Variants in PARD6B observed in about 807,000 individuals in gnomAD.
PARD6B encodes the protein partitioning defective 6 homolog beta.
A neutral mutation model predicts 10.5 loss-of-function variants in PARD6B; 4 were observed. The ratio of observed to expected loss-of-function variants is 0.38; its 90% confidence interval spans 0.19 to 0.87. The LOEUF is 0.87. Among genes scored for constraint, PARD6B ranks in the 40% least tolerant of loss-of-function variants. The pLI is 0.41. For synonymous variants in PARD6B, 169 were observed against 170.4 expected, an observed-to-expected ratio of 0.99 and a Z score of 0.07; for missense variants, 396 against 470.6, an observed-to-expected ratio of 0.84 and a Z score of 1.47.
chr20:50,741,843 G>T (rs2087532554), intron 2 of PARD6B, among the ~76,000 whole-genome samples: 1 of 152,082 alleles, frequency 6.6e-6, no homozygotes, highest in African/African-American at 2.4e-5. Context: ...ACCGCGCCCG[G>T]CCGCACTCTG....
At chr20:50,746,289 G>A (rs1169989104) in intron 2 of PARD6B, among the ~76,000 whole-genome samples, 2 of 152,182 alleles carry the variant, frequency 1.3e-5, no homozygotes, top group Admixed American at 6.5e-5. Flanking sequence ...GCCACTATTT[G>A]TGTGTAAGAA....
intron 2 of PARD6B, among the ~76,000 whole-genome samples, chr20:50,740,961 CTTTT>C (rs869151515): frequency 7.4e-6 from 1 of 135,692 alleles, no homozygotes. Context: ...GAGCTTGTTT[CTTTT>C]TTTTTTTTTT....
In PARD6B at chr20:50,752,984, T is replaced by A. The variant is rs183937302; in HGVS notation, c.*2496T>A. ...TTGACTCTTGAATGGCAAAATAATGTTAGTATGTAGAAGGTTAACTTTCAT... is the reference window on the plus strand; with the variant it reads ...TTGACTCTTGAATGGCAAAATAATGATAGTATGTAGAAGGTTAACTTTCAT... On this transcript the variant is annotated 3_prime_UTR_variant, in exon 3 of 3. Transcript: ENST00000371610. 1.0e-5 allele frequency: 10 copies of A among 984,138 alleles called. No individual in the cohort carries two copies. Among genetic ancestry groups the A allele is most frequent in the Non-Finnish European group, 1.1e-5 (9 of 828,394 alleles). 61.0% of individuals were successfully genotyped at this position (984,138 alleles called of 1,614,324 possible).
chr20:50,737,163 C>T (rs1185386784), intron 1 of PARD6B, among the ~76,000 whole-genome samples: 2 of 152,178 alleles, frequency 1.3e-5, no homozygotes. Flanking sequence ...CTTAATACCT[C>T]CCTGAAGTAA....
intron 1 of PARD6B, among the ~76,000 whole-genome samples, chr20:50,734,686 A>T (rs1197058526): frequency 6.7e-6 from 1 of 150,306 alleles, no homozygotes; most frequent in Non-Finnish European, 1.5e-5. Context: ...ACTATTTTCA[A>T]TTTTTTTTTA....
intron 2 of PARD6B, among the ~76,000 whole-genome samples, chr20:50,742,938 A>G (rs1463415692): frequency 6.6e-6 from 1 of 152,204 alleles, no homozygotes; most frequent in Non-Finnish European, 1.5e-5. Context: ...TGGTATCTTA[A>G]AAGTTATTTT....
chr20:50,739,313 G>T (rs765113041), intron 2 of PARD6B, among the ~76,000 whole-genome samples: 1 of 152,036 alleles, frequency 6.6e-6, no homozygotes, highest in African/African-American at 2.4e-5. Context: ...TGGGCATGGT[G>T]GCACATGTCT....
intron 2 of PARD6B, among the ~76,000 whole-genome samples, chr20:50,748,258 C>T (rs1479865852): frequency 6.6e-6 from 1 of 152,202 alleles, no homozygotes; most frequent in Non-Finnish European, 1.5e-5. Flanking sequence ...GCAGGAGAAT[C>T]GCTTGAACCT....
rs763203459 is a variant in PARD6B, at chr20:50,750,092, C to T, written c.723C>T (p.Asn241=). The T allele has an allele frequency of 3.1e-6, 5 of 1,614,088 alleles. No individual in the cohort carries two copies. Among genetic ancestry groups the T allele is most frequent in the Non-Finnish European group, 8.5e-7 (1 of 1,180,050 alleles). ...VTDMMIANSR[N]LIITVRPANQ... ...ACATGATGATTGCAAATAGCCGTAA[C>T]CTCATCATAACAGTGAGACCGGCAA... is the stretch of plus-strand genomic sequence containing the variant. The change falls in exon 3 of 3, where the codon AAC becomes AAT. Residue 241 remains asparagine, a synonymous_variant. Transcript: ENST00000371610.
chr20:50,737,909 T>C lies in PARD6B; in HGVS notation c.119T>C (p.Phe40Ser). 1 of 1,609,658 alleles carries C rather than the reference T, an allele frequency of 6.2e-7. No individual in the cohort carries two copies. Among genetic ancestry groups the C allele is most frequent in the Non-Finnish European group, 8.5e-7 (1 of 1,178,242 alleles). Reference protein sequence around the residue: ...FSLERSKPGKFEEFYGLLQHV... With the variant: ...FSLERSKPGKSEEFYGLLQHV... ...CTGGAAAGATCAAAACCTGGAAAATTTGAGGAGTTTTATGGATTACTACAA... is the reference window on the plus strand; with the variant it reads ...CTGGAAAGATCAAAACCTGGAAAATCTGAGGAGTTTTATGGATTACTACAA... The change falls in exon 2 of 3, where the codon TTT (phenylalanine) becomes TCT (serine). Residue 40 changes from phenylalanine (F) to serine (S), a missense_variant. Coordinates refer to ENST00000371610, the MANE Select transcript of PARD6B (RefSeq NM_032521.3).
chr20:50,733,227 C>G (rs976166688), intron 1 of PARD6B, among the ~76,000 whole-genome samples: 2 of 152,206 alleles, frequency 1.3e-5, no homozygotes, highest in Non-Finnish European at 2.9e-5. Flanking sequence ...CCAGACCAGC[C>G]TGGCCAACAT....
rs769781266 is a variant in PARD6B, at chr20:50,750,434, A to C, written c.1065A>C (p.Thr355=). 9 of 1,614,062 alleles carry C rather than the reference A, an allele frequency of 5.6e-6. No individual in the cohort carries two copies. Among genetic ancestry groups the C allele is most frequent in the Non-Finnish European group, 7.6e-6 (9 of 1,180,034 alleles). ...GCAGCTCAAACACGGAATTTGAAAC[A>C]CATGCTCCAGATCAAAAACTCTTAG... The part of the protein sequence containing the change: ...IASSSNTEFE[T]HAPDQKLLEE... The change falls in exon 3 of 3, where the codon ACA becomes ACC. Residue 355 remains threonine (T), a synonymous_variant. Coordinates refer to ENST00000371610, the MANE Select transcript of PARD6B (RefSeq NM_032521.3).
At chr20:50,731,898 G>C (rs1323343443) in intron 1 of PARD6B, 46 bp downstream of exon 1, 2 of 1,356,910 alleles carry the variant, frequency 1.5e-6, no homozygotes, top group Non-Finnish European at 1.9e-6. Flanking sequence ...TGGGGGGCCG[G>C]GGCCTGGGAG....
In PARD6B at chr20:50,750,158, C is replaced by T; in HGVS notation, c.789C>T (p.Gly263=). 6.2e-7 allele frequency: 1 copy of T among 1,614,224 alleles called. No individual in the cohort carries two copies. Among genetic ancestry groups the T allele is most frequent in the Non-Finnish European group, 8.5e-7 (1 of 1,180,038 alleles). The change falls in exon 3 of 3, where the codon GGC becomes GGT. Residue 263 remains glycine, a synonymous_variant. Coordinates refer to ENST00000371610, the MANE Select transcript of PARD6B (RefSeq NM_032521.3). Reference sequence around the variant, plus strand: ...TTGTGAGGAACAGTCGGACTTCTGGCAGTTCCGGTCAGTCTACTGATAACA... The same window carrying T: ...TTGTGAGGAACAGTCGGACTTCTGGTAGTTCCGGTCAGTCTACTGATAACA... The part of the protein sequence containing the change: ...NNVVRNSRTS[G]SSGQSTDNSL...
At chr20:50,749,052 T>C (rs921818285) in intron 2 of PARD6B, among the ~76,000 whole-genome samples, 4 of 152,080 alleles carry the variant, frequency 2.6e-5, no homozygotes, top group African/African-American at 9.7e-5. Flanking sequence ...TTTAAGAATA[T>C]GTAAGATCTG....
intron 2 of PARD6B, among the ~76,000 whole-genome samples, chr20:50,738,567 A>G (rs1465967562): frequency 6.6e-6 from 1 of 152,258 alleles, no homozygotes; most frequent in Non-Finnish European, 1.5e-5. Flanking sequence ...TAGAAAGATT[A>G]TAATATTTTG....
At chr20:50,738,949 A>C in intron 2 of PARD6B, among the ~76,000 whole-genome samples, 1 of 150,634 alleles carries the variant, frequency 6.6e-6, no homozygotes, top group East Asian at 1.9e-4. Flanking sequence ...TTTGAGTCCT[A>C]AAACTTTTTT....
In PARD6B at chr20:50,749,688, G is replaced by C. The variant is rs773490536; in HGVS notation, c.319G>C (p.Asp107His). ...AGCAGACTACAGTGCCTTTGGTACA[G>C]ACACGCTAATAAAGAAGAAGAATGT... Reference protein sequence around the residue: ...EEADYSAFGTDTLIKKKNVLT... With the variant: ...EEADYSAFGTHTLIKKKNVLT... Residue 107 changes from aspartate to histidine, a missense_variant, in exon 3 of 3, where the codon GAC (aspartate) becomes CAC (histidine). By Grantham distance (81) the Asp-to-His change is moderately conservative (BLOSUM62 -1). Transcript: ENST00000371610. 1 of 1,608,524 alleles carries C rather than the reference G, an allele frequency of 6.2e-7. No homozygotes were observed. Among genetic ancestry groups the C allele is most frequent in the South Asian group, 1.1e-5 (1 of 89,858 alleles).
rs2087483673 is a variant in PARD6B at position 50,733,523 on chromosome 20, T to C, written c.66+1671T>C. Among the ~76,000 whole-genome samples the C allele has an allele frequency of 2.0e-5, 3 of 152,214 alleles. No individual in the cohort carries two copies. In the South Asian group the frequency reaches 6.2e-4, roughly 32 times the overall value. ...AAGAAAAGACGTGTAGTTACAGCAA[T>C]TTAAGGAATGTGCATGTCCATGTGT... On this transcript the variant is annotated intron_variant, in intron 1 of 2. Transcript: ENST00000371610.
Sources: gnomAD v4.1 joint callset for allele counts (sites outside exome capture counted in the v4.1 genomes callset) on GRCh38, gnomAD v4.1.1 for gene constraint, MANE v1.5 for transcripts, NCBI Gene and HGNC (gene_info 2026-07-23, HGNC 2026-07-21) for gene names.